Variants in USP34 observed in about 807,000 individuals in gnomAD.
USP34 encodes ubiquitin specific peptidase 34, also known as ubiquitin carboxyl-terminal hydrolase 34.
Under a neutral mutation model 460.3 loss-of-function variants are expected in USP34, and 70 were observed. The observed-to-expected ratio is 0.15, with a 90% CI of 0.13 to 0.19. The LOEUF (loss-of-function observed/expected upper bound fraction) is 0.19. USP34 is among the 10% of genes least tolerant of loss of function. The pLI is 1.00. For synonymous variants in USP34, 1,647 were observed against 1,405.3 expected (o/e 1.17, Z -3.85); for missense variants, 3,985 against 4,236.2 (o/e 0.94, Z 1.65).
At chr2:61,256,814 C>A in intron 47 of USP34, 59 bp downstream of exon 47, 2 of 1,302,180 alleles carry the variant, frequency 1.5e-6, no homozygotes, top group South Asian at 1.5e-5. Context: ...CAACACAAAC[C>A]CGCTATACAC....
intron 14 of USP34, 44 bp downstream of exon 14, chr2:61,348,712 A>C: frequency 6.3e-7 from 1 of 1,588,246 alleles, no homozygotes; most frequent in Non-Finnish European, 8.6e-7. Context: ...AACACGCCAG[A>C]AAGCCAAAAA....
At chr2:61,331,180 ACTT>A in intron 20 of USP34, 93 bp downstream of exon 20, 2 of 1,013,244 alleles carry the variant, frequency 2.0e-6, no homozygotes, top group Admixed American at 3.0e-5. Context: ...TGTTACAATT[ACTT>A]ATTATATGAA....
chr2:61,286,616 G>A lies in USP34; in HGVS notation c.4750-1659C>T, dbSNP rs371866731. ...GTTGCAGTGAGCCGAGATGGCGCCA[G>A]TGCACTTCAGCTTGGGCAACAGAGC... On this transcript the variant is annotated intron_variant, in intron 34 of 79. Transcript: ENST00000398571. Among the ~76,000 whole-genome samples the A allele has an allele frequency of 1.8e-4, 27 of 152,162 alleles. No homozygotes were observed. The East Asian group carries it at 3.7e-3, about 21-fold the overall frequency.
chr2:61,214,519 A>G lies in USP34; in HGVS notation c.8223T>C (p.Tyr2741=). The G allele has an allele frequency of 6.2e-7, 1 of 1,613,668 alleles. No homozygotes were observed. The highest frequency in any genetic ancestry group is 1.3e-5 in the African/African-American group (1 of 75,042). Residue 2741 remains tyrosine (Y), a synonymous_variant, in exon 68 of 80, where the codon TAT becomes TAC. Transcript: ENST00000398571. ...TAGTGCCATGAACAGCAGCATCAAC[A>G]TAAAGTTTGGCTCTTGAGAGCAAAC... ...LLGLLSRAKL[Y]VDAAVHGTTK...
chr2:61,440,485 C>G (rs1026490306), intron 1 of USP34, among the ~76,000 whole-genome samples: 4 of 151,884 alleles, frequency 2.6e-5, no homozygotes, highest in Non-Finnish European at 5.9e-5. Context: ...GCCTTTTCCC[C>G]TCCATTCTTC....
At chr2:61,278,499 CAT>C (rs1689439802) in intron 39 of USP34, 56 bp from the exon 40 acceptor site, 2 of 1,309,396 alleles carry the variant, frequency 1.5e-6, no homozygotes, top group African/African-American at 3.0e-5. Flanking sequence ...TTTTACCAAA[CAT>C]AAAATTATTA....
intron 1 of USP34, among the ~76,000 whole-genome samples, chr2:61,421,528 A>C (rs1196791002): frequency 6.6e-6 from 1 of 152,188 alleles, no homozygotes; most frequent in Non-Finnish European, 1.5e-5. Flanking sequence ...AGTAGAAAAC[A>C]TAAGGGTCTT....
chr2:61,374,105 G>C (rs933677996), intron 8 of USP34, among the ~76,000 whole-genome samples: 1 of 149,444 alleles, frequency 6.7e-6, no homozygotes, highest in Non-Finnish European at 1.5e-5. Context: ...GCAGTGAGCC[G>C]AGATCGTGCC....
Position 61,190,675 on chromosome 2 carries a change from A to C in USP34, c.9589-17T>G, listed in dbSNP as rs993545598. The C allele has an allele frequency of 6.2e-7, 1 of 1,609,402 alleles. No homozygotes were observed. Among genetic ancestry groups the C allele is most frequent in the South Asian group, 1.1e-5 (1 of 90,524 alleles). Reference sequence around the variant, plus strand: ...CATAGCAGACTAAAGTGGGGAGAAGATGGTTGAGCACTTACGGTTGAGCAC... The same window carrying C: ...CATAGCAGACTAAAGTGGGGAGAAGCTGGTTGAGCACTTACGGTTGAGCAC... On this transcript the variant is annotated splice_polypyrimidine_tract_variant and intron_variant, in intron 76 of 79. Transcript: ENST00000398571.
intron 1 of USP34, among the ~76,000 whole-genome samples, chr2:61,460,851 C>T (rs151279794): frequency 4.1e-4 from 62 of 151,830 alleles, no homozygotes; most frequent in Non-Finnish European, 6.2e-4. Flanking sequence ...GGCATAGTGA[C>T]GCACGCCTGT....
chr2:61,223,573 C>CTT (rs569962717), intron 62 of USP34: 722 of 230,002 alleles, frequency 3.1e-3, no homozygotes, highest in Non-Finnish European at 4.1e-3. Context: ...ATTTTACTTA[C>CTT]TTTTTTTTTT....
chr2:61,378,822 T>C (rs1423379495), intron 7 of USP34, among the ~76,000 whole-genome samples: 2 of 144,990 alleles, frequency 1.4e-5, no homozygotes, highest in Non-Finnish European at 3.0e-5. Context: ...CGAAAATCAC[T>C]TGAACCCAGG....
chr2:61,249,022 G>A (rs1297749213), intron 48 of USP34, among the ~76,000 whole-genome samples: 5 of 152,030 alleles, frequency 3.3e-5, no homozygotes, highest in African/African-American at 4.8e-5. Flanking sequence ...CAACCTCATC[G>A]TATGTTTTCT....
intron 28 of USP34, 25 bp from the exon 29 acceptor site, chr2:61,301,185 T>A (rs1441348002): frequency 1.9e-6 from 3 of 1,576,120 alleles, no homozygotes; most frequent in Non-Finnish European, 2.6e-6. Context: ...AAAAAAAATT[T>A]ATGCATATCA....
chr2:61,245,341 T>C, intron 50 of USP34, 53 bp from the exon 51 acceptor site: 3 of 1,040,388 alleles, frequency 2.9e-6, no homozygotes, highest in Admixed American at 2.4e-5. Flanking sequence ...AGTATCTTCA[T>C]ATTATGTCTA....
chr2:61,220,233 A>T, intron 67 of USP34, 77 bp downstream of exon 67: 1 of 1,256,980 alleles, frequency 8.0e-7, no homozygotes, highest in Non-Finnish European at 1.1e-6. Context: ...GGCATGTCGT[A>T]GTTGCCTAAA....
intron 57 of USP34, among the ~76,000 whole-genome samples, chr2:61,234,305 T>C (rs1688000610): frequency 6.6e-6 from 1 of 152,252 alleles, no homozygotes; most frequent in Non-Finnish European, 1.5e-5. Context: ...TTCTGTTAAT[T>C]CGTAAGACTT....
At chr2:61,425,568 A>G (rs922769269) in intron 1 of USP34, among the ~76,000 whole-genome samples, 1 of 152,112 alleles carries the variant, frequency 6.6e-6, no homozygotes, top group Non-Finnish European at 1.5e-5. Flanking sequence ...AACCAGCCCT[A>G]AAGCGGAGGG....
chr2:61,303,262 C>A (rs1185809930), intron 27 of USP34, among the ~76,000 whole-genome samples: 1 of 152,082 alleles, frequency 6.6e-6, no homozygotes, highest in African/African-American at 2.4e-5. Flanking sequence ...AGACGGGTTT[C>A]TCCATGTTGG....
Sources: allele counts gnomAD v4.1 joint callset (sites outside exome capture counted in the v4.1 genomes callset), GRCh38; gene constraint gnomAD v4.1.1; transcripts MANE v1.5; gene names NCBI Gene and HGNC (gene_info 2026-07-23, HGNC 2026-07-21).